Variants in CUX1 observed in about 807,000 individuals in gnomAD.
CUX1 encodes the protein protein CASP.
Under a neutral mutation model 158.8 loss-of-function variants are expected in CUX1, and 31 were observed. That is an observed-to-expected ratio of 0.20 (90% CI 0.15 to 0.26). The LOEUF is 0.26. Ranked by LOEUF, CUX1 falls within the 10% of genes least tolerant of loss-of-function variation. The pLI is 1.00. For missense variants in CUX1, 1,589 were observed against 2,014.6 expected (o/e 0.79, Z 4.04); for synonymous variants, 879 against 862.1 (o/e 1.02, Z -0.34).
At chr7:102,065,036 G>T (rs1310726963) in intron 3 of CUX1, among the ~76,000 whole-genome samples, 1 of 152,128 alleles carries the variant, frequency 6.6e-6, no homozygotes, top group Non-Finnish European at 1.5e-5. Context: ...CCACAGACTG[G>T]GTGAGCTGCA....
intron 11 of CUX1, among the ~76,000 whole-genome samples, chr7:102,179,836 C>T (rs1032212457): frequency 2.0e-5 from 3 of 152,198 alleles, no homozygotes; most frequent in Non-Finnish European, 2.9e-5. Context: ...GGGGGCTGCC[C>T]GTTCAGGCCC....
At chr7:102,006,306 C>A (rs1027550531) in intron 2 of CUX1, among the ~76,000 whole-genome samples, 2 of 152,148 alleles carry the variant, frequency 1.3e-5, no homozygotes, top group Admixed American at 1.3e-4. Flanking sequence ...TCGTCAGGCT[C>A]TCTGCTGACC....
intron 2 of CUX1, among the ~76,000 whole-genome samples, chr7:102,025,259 C>T (rs1324104415): frequency 1.3e-5 from 2 of 152,168 alleles, no homozygotes; most frequent in South Asian, 2.1e-4. Context: ...CATTCACAGG[C>T]GCCAGCTATG....
In CUX1 at chr7:102,222,902, C is replaced by T. The variant is rs150383210; in HGVS notation, c.3131-4465C>T. 4.8e-4 allele frequency among the ~76,000 whole-genome samples: 69 copies of T among 143,180 alleles called. 1 individual carries two copies. The highest frequency in any genetic ancestry group is 1.7e-3 in the African/African-American group (65 of 38,610). The allele number at this position is 143,180 out of a possible 152,430, so 93.9% of individuals were successfully genotyped here. A position where few individuals can be genotyped will look rare whatever the true frequency, so the allele number is the denominator to read the frequency against. ...TGACACGATGTCAGCTCACTGCAAC[C>T]GCCACCTCCCAGGTTCAAGCAATTC... is the stretch of plus-strand genomic sequence containing the variant. On this transcript the variant is annotated intron_variant, in intron 20 of 23. Transcript: ENST00000292535.
chr7:102,173,646 G>C (rs1477102128), intron 10 of CUX1, among the ~76,000 whole-genome samples: 1 of 152,150 alleles, frequency 6.6e-6, no homozygotes. Flanking sequence ...GTGTCTACAC[G>C]GGGCCCCTGA....
At chr7:102,231,093 G>A (rs879999843) in intron 21 of CUX1, among the ~76,000 whole-genome samples, 1 of 145,058 alleles carries the variant, frequency 6.9e-6, no homozygotes, top group Non-Finnish European at 1.5e-5. Context: ...GCAGTGGCGC[G>A]ATCTCGGCTT....
chr7:101,847,369 AC>A (rs1252845656), intron 1 of CUX1, among the ~76,000 whole-genome samples: 1 of 152,168 alleles, frequency 6.6e-6, no homozygotes, highest in African/African-American at 2.4e-5. Context: ...GTTTGGCGGC[AC>A]CTGATCCCTA....
At chr7:102,241,046 C>T (rs954387567) in intron 23 of CUX1, among the ~76,000 whole-genome samples, 26 of 152,172 alleles carry the variant, frequency 1.7e-4, no homozygotes, top group African/African-American at 6.3e-4. Flanking sequence ...TCTCGAACTC[C>T]TGACCTCAAG....
chr7:102,067,526 G>A (rs1194763282), intron 3 of CUX1, among the ~76,000 whole-genome samples: 3 of 149,560 alleles, frequency 2.0e-5, no homozygotes, highest in South Asian at 2.1e-4. Flanking sequence ...GTGAGCCACC[G>A]CACCTGACCA....
At chr7:102,141,182 G>A (rs1378474545) in intron 8 of CUX1, among the ~76,000 whole-genome samples, 1 of 152,048 alleles carries the variant, frequency 6.6e-6, no homozygotes. Context: ...CCCTAAAAAA[G>A]GTACTTAGCC....
intron 8 of CUX1, among the ~76,000 whole-genome samples, chr7:102,126,693 CTTGT>C (rs1235556554): frequency 2.0e-5 from 3 of 152,188 alleles, no homozygotes; most frequent in Non-Finnish European, 4.4e-5. Flanking sequence ...TGTCCCCAAC[CTTGT>C]TGGCAACAGG....
Position 102,002,711 on chromosome 7 carries a change from G to A in CUX1, c.142-25387G>A, listed in dbSNP as rs536412820. On this transcript the variant is annotated intron_variant, in intron 2 of 23. Transcript: ENST00000292535. ...TCCTTTGATGTCAGAGCATCGCAGC[G>A]GAATTCTAGGCCACCCGGCAGTGAG... Among the ~76,000 whole-genome samples the A allele has an allele frequency of 3.3e-5, 5 of 152,192 alleles. No homozygotes were observed. The South Asian group carries it at 1.0e-3, about 32-fold the overall frequency.
At chr7:102,101,672 G>A (rs1829787613) in intron 5 of CUX1, among the ~76,000 whole-genome samples, 1 of 152,178 alleles carries the variant, frequency 6.6e-6, no homozygotes, top group South Asian at 2.1e-4. Flanking sequence ...CACTTTAGGA[G>A]GCCGAGGTGA....
rs1208327189 is a variant in CUX1, at chr7:102,268,706, G to A, written c.1256-4660G>A. On this transcript the variant is annotated intron_variant, in intron 14 of 22. Coordinates refer to the CUX1 transcript ENST00000292538. ...GTACCAGAAGCGTGGCGCTGGTGTC[G>A]GTTTGGCTTCTGGGGAGGCGTTGGA... 6.6e-5 allele frequency among the ~76,000 whole-genome samples: 10 copies of A among 152,118 alleles called. No homozygotes were observed. In the South Asian group the frequency reaches 1.0e-3, roughly 16 times the overall value.
chr7:101,819,755 A>T (rs561527805), intron 1 of CUX1, among the ~76,000 whole-genome samples: 155 of 152,166 alleles, frequency 1.0e-3, no homozygotes, highest in African/African-American at 3.5e-3. Flanking sequence ...GTTTTTTCCT[A>T]TGTGAAACTC....
At chr7:102,221,737 TAAAAA>T (rs60706791) in intron 20 of CUX1, among the ~76,000 whole-genome samples, 77,334 of 133,814 alleles carry the variant, frequency 0.58, 22,282 homozygotes, top group East Asian at 0.92. Context: ...CAGTGCCTTG[TAAAAA>T]AAAAAAAAAA....
chr7:102,002,727 C>T (rs183332843), intron 2 of CUX1, among the ~76,000 whole-genome samples: 8 of 152,180 alleles, frequency 5.3e-5, no homozygotes, highest in East Asian at 1.9e-4. Context: ...CTAGGCCACC[C>T]GGCAGTGAGT....
chr7:101,903,657 G>A (rs1034087572), intron 1 of CUX1, among the ~76,000 whole-genome samples: 4 of 152,124 alleles, frequency 2.6e-5, no homozygotes, highest in Admixed American at 6.5e-5. Flanking sequence ...AGCCGGCCAC[G>A]TGGCCTGCCC....
chr7:102,090,712 T>C (rs1326504918), intron 4 of CUX1, among the ~76,000 whole-genome samples: 1 of 151,864 alleles, frequency 6.6e-6, no homozygotes, highest in African/African-American at 2.4e-5. Flanking sequence ...TTCCTAGCTT[T>C]TCAGAAGATC....
Sources: allele counts gnomAD v4.1 joint callset (sites outside exome capture counted in the v4.1 genomes callset), GRCh38; gene constraint gnomAD v4.1.1; transcripts MANE v1.5; gene names NCBI Gene and HGNC (gene_info 2026-07-23, HGNC 2026-07-21).